The following KIAA0825 variants were observed in gnomAD, a reference collection of about 807,000 sequenced individuals.
KIAA0825 encodes the protein KIAA0825.
In KIAA0825, 119 loss-of-function variants were observed where a neutral mutation model predicts 147.6. The observed-to-expected ratio is 0.81, with a 90% confidence interval of 0.69 to 0.94. KIAA0825 has a LOEUF of 0.94. Among genes scored for constraint, KIAA0825 ranks in the 40% least tolerant of loss-of-function variants. KIAA0825 has a pLI of 0.00. For synonymous variants in KIAA0825, 470 were observed against 518.1 expected, an observed-to-expected ratio of 0.91 and a Z score of 1.26; for missense variants, 1,381 against 1,472.7, an observed-to-expected ratio of 0.94 and a Z score of 1.02.
chr5:94,467,920 A>T (rs1475097748), intron 10 of KIAA0825, among the ~76,000 whole-genome samples: 1 of 152,230 alleles, frequency 6.6e-6, no homozygotes, highest in East Asian at 1.9e-4. Context: ...TCCAGTTGTC[A>T]AAACAGTTTA....
rs1759624783 is a variant in KIAA0825, at chr5:94,460,104, T to C, written c.2246+2283A>G. On this transcript the variant is annotated intron_variant, in intron 12 of 20. Coordinates refer to ENST00000682413, the MANE Select transcript of KIAA0825 (RefSeq NM_001145678.3). ...CTACACATGAACTAAAACTAAAGTC[T>C]ACTCATCCAAAATGCAACATATGAA... is the stretch of plus-strand genomic sequence containing the variant. Among the ~76,000 whole-genome samples the C allele has an allele frequency of 2.0e-5, 3 of 152,112 alleles. No homozygotes were observed. In the South Asian group the frequency reaches 6.2e-4, roughly 32 times the overall value.
chr5:94,463,023 G>A (rs755039462), intron 11 of KIAA0825, among the ~76,000 whole-genome samples: 1 of 151,848 alleles, frequency 6.6e-6, no homozygotes, highest in Non-Finnish European at 1.5e-5. Flanking sequence ...AAGATTGGTA[G>A]CATGTTCTCC....
rs1791207824 is a variant in KIAA0825 at position 94,618,529 on chromosome 5, A to G, written c.-182T>C. The G allele has an allele frequency of 6.5e-6, 1 of 153,020 alleles. No individual in the cohort carries two copies. Among genetic ancestry groups the G allele is most frequent in the Admixed American group, 6.5e-5 (1 of 15,280 alleles). The allele number at this position is 153,020 out of a possible 1,614,324, so 9.5% of individuals were successfully genotyped here. A position where few individuals can be genotyped will look rare whatever the true frequency, so the allele number is the denominator to read the frequency against. On this transcript the variant is annotated 5_prime_UTR_variant, in exon 1 of 21. Transcript: ENST00000682413. Reference sequence around the variant, plus strand: ...CTTCCACCTCCGGTGCTGATCTAGCAAGAGCCTGACCCGCTGGCCAGACTC... The same window carrying G: ...CTTCCACCTCCGGTGCTGATCTAGCGAGAGCCTGACCCGCTGGCCAGACTC...
At chr5:94,279,340 AT>A (rs1260292069) in intron 20 of KIAA0825, among the ~76,000 whole-genome samples, 1 of 152,038 alleles carries the variant, frequency 6.6e-6, no homozygotes, top group Non-Finnish European at 1.5e-5. Context: ...CATGGTCTTG[AT>A]TTTGCTCCTT....
chr5:94,456,164 A>G (rs1197980326), intron 12 of KIAA0825, among the ~76,000 whole-genome samples: 2 of 152,124 alleles, frequency 1.3e-5, no homozygotes, highest in Non-Finnish European at 2.9e-5. Flanking sequence ...GGACATACAT[A>G]TCTTTGTAGC....
chr5:94,202,041 G>T (rs1771750003), intron 20 of KIAA0825, among the ~76,000 whole-genome samples: 1 of 152,180 alleles, frequency 6.6e-6, no homozygotes, highest in Non-Finnish European at 1.5e-5. Flanking sequence ...ATTAAAGATA[G>T]GGGGTTCTGG....
intron 20 of KIAA0825, among the ~76,000 whole-genome samples, chr5:94,196,038 G>A (rs955918300): frequency 6.6e-6 from 1 of 152,178 alleles, no homozygotes; most frequent in South Asian, 2.1e-4. Context: ...CTCTGTCAGG[G>A]TACATGCGAT....
intron 20 of KIAA0825, among the ~76,000 whole-genome samples, chr5:94,356,878 C>A (rs1414156325): frequency 6.6e-6 from 1 of 151,656 alleles, no homozygotes; most frequent in African/African-American, 2.4e-5. Flanking sequence ...GTGCGCACCA[C>A]CACACCCAGC....
chr5:94,242,818 G>C (rs993668286), intron 20 of KIAA0825, among the ~76,000 whole-genome samples: 53 of 151,952 alleles, frequency 3.5e-4, no homozygotes, highest in African/African-American at 1.2e-3. Context: ...TAGAGATTAG[G>C]TTTTGCTATG....
chr5:94,313,425 AT>A (rs898426235), intron 20 of KIAA0825, among the ~76,000 whole-genome samples: 34 of 151,696 alleles, frequency 2.2e-4, no homozygotes, highest in South Asian at 6.2e-4. Context: ...AAGATCAAGA[AT>A]TTTTTTTAAG....
chr5:94,175,453 A>G (rs1562296117), intron 20 of KIAA0825, among the ~76,000 whole-genome samples: 1 of 152,170 alleles, frequency 6.6e-6, no homozygotes, highest in Non-Finnish European at 1.5e-5. Flanking sequence ...GCTTTTTGGC[A>G]TCAGAGAAAG....
intron 2 of KIAA0825, among the ~76,000 whole-genome samples, chr5:94,538,588 C>G (rs1032053757): frequency 1.3e-5 from 2 of 152,184 alleles, no homozygotes; most frequent in African/African-American, 4.8e-5. Flanking sequence ...TCTGCCACTA[C>G]CATTCATTTG....
chr5:94,414,876 C>T (rs186304), intron 15 of KIAA0825: 36,439 of 152,024 alleles, frequency 0.24, 4,750 homozygotes, highest in Middle Eastern at 0.32. Flanking sequence ...TTGTGAACTG[C>T]ACATGCAAGG....
At chr5:94,432,229 G>A (rs927150205) in intron 14 of KIAA0825, among the ~76,000 whole-genome samples, 4 of 152,272 alleles carry the variant, frequency 2.6e-5, no homozygotes, top group Non-Finnish European at 2.9e-5. Context: ...CAGCAGCAGC[G>A]GGAGCAGCAT....
intron 20 of KIAA0825, among the ~76,000 whole-genome samples, chr5:94,375,433 C>G (rs568273874): frequency 6.6e-6 from 1 of 152,178 alleles, no homozygotes; most frequent in African/African-American, 2.4e-5. Flanking sequence ...CTAACCTGAC[C>G]TTTCCTCCTG....
At chr5:94,303,827 G>A (rs578083628) in intron 20 of KIAA0825, among the ~76,000 whole-genome samples, 36 of 152,064 alleles carry the variant, frequency 2.4e-4, no homozygotes, top group African/African-American at 8.2e-4. Flanking sequence ...TGATAAAATC[G>A]AACAGGAGTT....
At chr5:94,430,184 T>C (rs1584470934) in intron 14 of KIAA0825, among the ~76,000 whole-genome samples, 1 of 152,202 alleles carries the variant, frequency 6.6e-6, no homozygotes. Flanking sequence ...ACAGAAAGAG[T>C]AGACAGTTCA....
chr5:94,322,431 G>A (rs558830425), intron 20 of KIAA0825, among the ~76,000 whole-genome samples: 6 of 151,838 alleles, frequency 4.0e-5, no homozygotes, highest in Middle Eastern at 3.4e-3. Flanking sequence ...CTGCCAAATA[G>A]GGCCAACATC....
chr5:94,560,753 C>T (rs1341235239), intron 2 of KIAA0825, among the ~76,000 whole-genome samples: 1 of 152,196 alleles, frequency 6.6e-6, no homozygotes, highest in African/African-American at 2.4e-5. Context: ...ACCAGTGTCG[C>T]AGATTTGGAC....
Sources: gnomAD v4.1 joint callset for allele counts (sites outside exome capture counted in the v4.1 genomes callset) on GRCh38, gnomAD v4.1.1 for gene constraint, MANE v1.5 for transcripts, NCBI Gene and HGNC (gene_info 2026-07-23, HGNC 2026-07-21) for gene names.